CLDN14: variants seen among roughly 807,000 people sequenced by gnomAD.
CLDN14 encodes claudin 14, also known as claudin-14.
CLDN14 carries 2 observed loss-of-function variants against 2.1 expected under a neutral mutation model. The ratio of observed to expected loss-of-function variants is 0.96; its 90% CI spans 0.39 to 3.01. CLDN14 has a LOEUF of 3.01. CLDN14 is among the 30% of genes most tolerant of loss of function. The pLI is 0.09. For missense variants in CLDN14, 298 were observed against 328.0 expected (o/e 0.91, Z 0.71); for synonymous variants, 136 against 154.4 (o/e 0.88, Z 0.88).
At chr21:36,549,974 T>G (rs1045391127) in intron 1 of CLDN14, among the ~76,000 whole-genome samples, 1 of 152,242 alleles carries the variant, frequency 6.6e-6, no homozygotes, top group Admixed American at 6.5e-5. Context: ...GGAATGAGGA[T>G]AGACACTGCA....
intron 2 of CLDN14, among the ~76,000 whole-genome samples, chr21:36,489,121 A>AAAAAT (rs754506324): frequency 0.13 from 9,857 of 75,566 alleles, 600 homozygotes; most frequent in Non-Finnish European, 0.19. Flanking sequence ...CTCAAAGAAA[A>AAAAAT]AAAAAAAAAA....
At chr21:36,475,404 C>T (rs1367682005) in intron 1 of CLDN14, among the ~76,000 whole-genome samples, 2 of 152,106 alleles carry the variant, frequency 1.3e-5, no homozygotes, top group African/African-American at 4.8e-5. Context: ...TAGCCGCAGC[C>T]CTTGGAGAGC....
At chr21:36,564,248 TG>T (rs1299582638) in intron 1 of CLDN14, among the ~76,000 whole-genome samples, 1 of 152,260 alleles carries the variant, frequency 6.6e-6, no homozygotes, top group African/African-American at 2.4e-5. Flanking sequence ...GAAGGATGCC[TG>T]TTTTCCTAAC....
At chr21:36,542,027 C>T (rs1031748669) in intron 1 of CLDN14, among the ~76,000 whole-genome samples, 8 of 152,082 alleles carry the variant, frequency 5.3e-5, no homozygotes, top group Non-Finnish European at 7.4e-5. Flanking sequence ...GTGTGATCTC[C>T]GCTCACTGCA....
intron 1 of CLDN14, among the ~76,000 whole-genome samples, chr21:36,523,471 G>C (rs1324499574): frequency 6.6e-6 from 1 of 152,156 alleles, no homozygotes; most frequent in Non-Finnish European, 1.5e-5. Flanking sequence ...ATTAGGCCAG[G>C]TGCAGTGGCT....
intron 1 of CLDN14, among the ~76,000 whole-genome samples, chr21:36,556,308 G>T (rs1471616852): frequency 7.2e-5 from 11 of 152,152 alleles, no homozygotes; most frequent in Admixed American, 7.2e-4. Flanking sequence ...AGGGCCAGAG[G>T]TGACCTAAGT....
At chr21:36,563,881 C>G (rs1299338621) in intron 1 of CLDN14, among the ~76,000 whole-genome samples, 1 of 152,152 alleles carries the variant, frequency 6.6e-6, no homozygotes, top group African/African-American at 2.4e-5. Context: ...CTCCCCCAGG[C>G]GCCATTACGC....
intron 1 of CLDN14, among the ~76,000 whole-genome samples, chr21:36,538,625 G>C (rs951887158): frequency 7.0e-6 from 1 of 143,610 alleles, no homozygotes; most frequent in African/African-American, 2.4e-5. Context: ...AGGAAAAAAA[G>C]AGAGAGAAAA....
At chr21:36,525,912 C>T (rs559502375) in intron 1 of CLDN14, among the ~76,000 whole-genome samples, 12 of 152,222 alleles carry the variant, frequency 7.9e-5, no homozygotes, top group African/African-American at 1.4e-4. Flanking sequence ...TTGCTTGGAA[C>T]GTATGGTCCC....
At chr21:36,548,211 C>T (rs1001547259) in intron 1 of CLDN14, among the ~76,000 whole-genome samples, 5 of 152,036 alleles carry the variant, frequency 3.3e-5, no homozygotes, top group African/African-American at 4.8e-5. Flanking sequence ...GTCAACCCCC[C>T]TCATGACAGG....
rs2086556276 is a variant in CLDN14 at position 36,460,805 on chromosome 21, T to C, written c.*171A>G. On this transcript the variant is annotated 3_prime_UTR_variant, in exon 2 of 2. Coordinates refer to ENST00000399135, the MANE Select transcript of CLDN14 (RefSeq NM_001146079.2). The surrounding 1 kb of genome is among the most constrained non-coding windows in gnomAD (Gnocchi z 4.0). Reference sequence around the variant, plus strand: ...GGTATAGAGAGCTTTCTCCTCCTCTTATTTCCCCCTCTGTCCCTGTGCTCT... The same window carrying C: ...GGTATAGAGAGCTTTCTCCTCCTCTCATTTCCCCCTCTGTCCCTGTGCTCT... The C allele has an allele frequency of 2.7e-6, 2 of 741,538 alleles. No individual in the cohort carries two copies. 45.9% of individuals were successfully genotyped at this position (741,538 alleles called of 1,614,324 possible). A position where few individuals can be genotyped will look rare whatever the true frequency, so the allele number is the denominator to read the frequency against.
intron 1 of CLDN14, among the ~76,000 whole-genome samples, chr21:36,526,774 C>T (rs774898355): frequency 1.3e-5 from 2 of 152,252 alleles, no homozygotes; most frequent in Non-Finnish European, 2.9e-5. Context: ...TATCATTAAT[C>T]TTCCCTCCAG....
At chr21:36,464,373 C>T (rs527962836) in intron 1 of CLDN14, among the ~76,000 whole-genome samples, 20 of 152,294 alleles carry the variant, frequency 1.3e-4, no homozygotes, top group Admixed American at 9.8e-4. Context: ...ACTGATACAC[C>T]GAGTATTTTT....
chr21:36,487,815 C>G (rs1026046089), intron 2 of CLDN14: 1 of 152,222 alleles, frequency 6.6e-6, no homozygotes, highest in Non-Finnish European at 1.5e-5. Flanking sequence ...TGTGGTCCTG[C>G]GTTTGCTAAT....
chr21:36,555,663 G>A (rs2087593396), intron 1 of CLDN14, among the ~76,000 whole-genome samples: 1 of 152,102 alleles, frequency 6.6e-6, no homozygotes, highest in African/African-American at 2.4e-5. Context: ...CCTAAGGCTG[G>A]TCAGGTGGTA....
chr21:36,562,850 C>T (rs909592139), intron 1 of CLDN14, among the ~76,000 whole-genome samples: 2 of 152,076 alleles, frequency 1.3e-5, no homozygotes, highest in African/African-American at 4.8e-5. Flanking sequence ...TTCTAATAAC[C>T]CTGGCTTCAT....
intron 1 of CLDN14, among the ~76,000 whole-genome samples, chr21:36,573,374 A>G (rs1380141449): frequency 6.6e-6 from 1 of 152,124 alleles, no homozygotes; most frequent in Non-Finnish European, 1.5e-5. Context: ...GCAACTCAAA[A>G]AGTATATAGA....
chr21:36,460,701 A>G lies in CLDN14; in HGVS notation c.*275T>C, dbSNP rs2086555001. 2 of 407,218 alleles carry G rather than the reference A, an allele frequency of 4.9e-6. No individual in the cohort carries two copies. Among genetic ancestry groups the G allele is most frequent in the Non-Finnish European group, 9.0e-6 (2 of 223,070 alleles). The allele number at this position is 407,218 out of a possible 1,614,324, so 25.2% of individuals were successfully genotyped here. A position where few individuals can be genotyped will look rare whatever the true frequency, so the allele number is the denominator to read the frequency against. On this transcript the variant is annotated 3_prime_UTR_variant, in exon 2 of 2. Coordinates refer to ENST00000399135, the MANE Select transcript of CLDN14 (RefSeq NM_001146079.2). The surrounding 1 kb of genome is among the most constrained non-coding windows in gnomAD (Gnocchi z 4.0). ...TGACCAAACTCCCAAGTCACTTTATATTAAACTTGTTATCAAATCACCCAC... is the reference window on the plus strand; with the variant it reads ...TGACCAAACTCCCAAGTCACTTTATGTTAAACTTGTTATCAAATCACCCAC...
intron 1 of CLDN14, among the ~76,000 whole-genome samples, chr21:36,476,051 T>G (rs1228293514): frequency 1.3e-5 from 2 of 152,138 alleles, no homozygotes; most frequent in Non-Finnish European, 2.9e-5. Context: ...AGTTCAGATG[T>G]CTGTTCTGCT....
Sources: allele counts gnomAD v4.1 joint callset (sites outside exome capture counted in the v4.1 genomes callset), GRCh38; gene constraint gnomAD v4.1.1; non-coding constraint Gnocchi (gnomAD v3.1); transcripts MANE v1.5; gene names NCBI Gene and HGNC (gene_info 2026-07-23, HGNC 2026-07-21).